NECAB2: variants seen among roughly 807,000 people sequenced by gnomAD.
NECAB2 encodes N-terminal EF-hand calcium binding protein 2, also known as N-terminal EF-hand calcium-binding protein 2.
A neutral mutation model predicts 51.9 loss-of-function variants in NECAB2; 68 were observed. The observed-to-expected ratio is 1.31, with a 90% CI of 1.08 to 1.60. NECAB2 has a LOEUF of 1.60. Among genes scored for constraint, NECAB2 ranks in the 40% most tolerant of loss-of-function variants. NECAB2 has a pLI of 0.00. For missense variants in NECAB2, 854 were observed against 490.3 expected (o/e 1.74, Z -7.00); for synonymous variants, 329 against 203.5 (o/e 1.62, Z -5.25).
intron 11 of NECAB2, among the ~76,000 whole-genome samples, chr16:84,001,296 T>G (rs1459103357): frequency 6.6e-6 from 1 of 151,526 alleles, no homozygotes; most frequent in African/African-American, 2.4e-5. Context: ...GGGTGGAGAC[T>G]ATTGCTGATG....
Position 83,997,243 on chromosome 16 carries a change from C to A in NECAB2, c.823C>A (p.Leu275Met). ...ACTGTGGTTCGACCTGCAGCAGCGC[C>A]TGTCAGATGAAGATGGCACCAACAT... ...KALWFDLQQRLSDEDGTNMHL... is the reference protein window; with the variant it reads ...KALWFDLQQRMSDEDGTNMHL... The change falls in exon 9 of 13, where the codon CTG (leucine) becomes ATG (methionine). Residue 275 changes from leucine (L) to methionine (M), a missense_variant. By Grantham distance (15) the Leu-to-Met change is conservative (BLOSUM62 2). Coordinates refer to ENST00000305202, the MANE Select transcript of NECAB2 (RefSeq NM_019065.3). The A allele has an allele frequency of 6.2e-7, 1 of 1,614,172 alleles. No homozygotes were observed. Among genetic ancestry groups the A allele is most frequent in the Non-Finnish European group, 8.5e-7 (1 of 1,180,044 alleles).
chr16:83,983,916 T>G (rs1187245831), intron 5 of NECAB2, among the ~76,000 whole-genome samples: 1 of 152,118 alleles, frequency 6.6e-6, no homozygotes, highest in Admixed American at 6.5e-5. Flanking sequence ...GGGATGATTT[T>G]CATAGTTATT....
Position 84,001,808 on chromosome 16 carries a change from A to G in NECAB2, c.1041-17A>G. ...CACTCCTGCCACCCCTGACTCACAC[A>G]TGTCCCTGCGTCACAGGCACCTGCA... is the stretch of plus-strand genomic sequence containing the variant. On this transcript the variant is annotated splice_polypyrimidine_tract_variant and intron_variant, in intron 11 of 12. Transcript: ENST00000305202. 2.5e-6 allele frequency: 4 copies of G among 1,613,722 alleles called. No individual in the cohort carries two copies. The highest frequency in any genetic ancestry group is 2.2e-5 in the South Asian group (2 of 91,062).
At chr16:83,972,687 A>T (rs1038340474) in intron 2 of NECAB2, among the ~76,000 whole-genome samples, 1 of 152,190 alleles carries the variant, frequency 6.6e-6, no homozygotes, top group Non-Finnish European at 1.5e-5. Flanking sequence ...TGCATGAAGG[A>T]AACGGAGGCT....
upstream of NECAB2, chr16:83,965,456 C>A (rs373502549): frequency 6.9e-5 from 111 of 1,600,010 alleles, no homozygotes; most frequent in Non-Finnish European, 8.8e-5. Context: ...TGGCGCGGGG[C>A]TGTCAGCGGC....
intron 8 of NECAB2, among the ~76,000 whole-genome samples, chr16:83,996,991 C>G (rs1020266154): frequency 1.3e-5 from 2 of 150,590 alleles, no homozygotes; most frequent in South Asian, 4.1e-4. Context: ...CCTCTGGAGT[C>G]CCCCTTGCTG....
chr16:83,974,072 C>G (rs1295130477), intron 2 of NECAB2, among the ~76,000 whole-genome samples: 3 of 152,068 alleles, frequency 2.0e-5, no homozygotes, highest in Admixed American at 6.5e-5. Flanking sequence ...TCTCAGTTTC[C>G]TTACTGCAGC....
chr16:83,966,755 G>C (rs1319755809), upstream of NECAB2, among the ~76,000 whole-genome samples: 1 of 152,162 alleles, frequency 6.6e-6, no homozygotes, highest in Admixed American at 6.5e-5. Context: ...CCTTTTCCTT[G>C]GGATGTCTCA....
chr16:83,987,757 A>C (rs1315924440), intron 5 of NECAB2, among the ~76,000 whole-genome samples: 2 of 152,200 alleles, frequency 1.3e-5, no homozygotes, highest in African/African-American at 4.8e-5. Flanking sequence ...CCTTGTGGCA[A>C]ACATAGTTGT....
chr16:83,968,915 T>C, intron 1 of NECAB2, 66 bp downstream of exon 1: 1 of 967,336 alleles, frequency 1.0e-6, no homozygotes, highest in Non-Finnish European at 1.3e-6. Context: ...CCTCCGCCCC[T>C]CGGGCGGACC....
Position 84,002,725 on chromosome 16 carries a change from G to A in NECAB2, c.*379G>A, listed in dbSNP as rs557637259. The A allele has an allele frequency of 1.7e-5, 4 of 233,472 alleles. No individual in the cohort carries two copies. The highest frequency in any genetic ancestry group is 2.6e-5 in the Non-Finnish European group (3 of 117,512). The allele number at this position is 233,472 out of a possible 1,614,324, so 14.5% of individuals were successfully genotyped here. A position where few individuals can be genotyped will look rare whatever the true frequency, so the allele number is the denominator to read the frequency against. On this transcript the variant is annotated 3_prime_UTR_variant, in exon 13 of 13. Coordinates refer to ENST00000305202, the MANE Select transcript of NECAB2 (RefSeq NM_019065.3). ...TCATGCCCCTGTAGTGCCCAACCTA[G>A]CCAGGTAGCCACCACTGTGCCCAGG...
intron 3 of NECAB2, among the ~76,000 whole-genome samples, chr16:83,980,483 C>T (rs773608601): frequency 5.3e-5 from 8 of 152,132 alleles, no homozygotes; most frequent in Non-Finnish European, 1.0e-4. Flanking sequence ...GTCAGTGGGT[C>T]AGATGAGAGC....
chr16:83,976,234 A>G (rs1338066799), intron 2 of NECAB2, among the ~76,000 whole-genome samples: 5 of 152,276 alleles, frequency 3.3e-5, no homozygotes, highest in Non-Finnish European at 7.4e-5. Flanking sequence ...GTAGGTGGCG[A>G]TGTCGCCACA....
chr16:83,970,572 G>A (rs1046568604), intron 1 of NECAB2, among the ~76,000 whole-genome samples: 7 of 152,274 alleles, frequency 4.6e-5, no homozygotes, highest in East Asian at 3.9e-4. Context: ...GATGGGGGGC[G>A]AGGGCATCTG....
At chr16:83,977,812 C>T (rs775323936) in intron 2 of NECAB2, among the ~76,000 whole-genome samples, 33 of 152,136 alleles carry the variant, frequency 2.2e-4, no homozygotes, top group Admixed American at 1.8e-3. Context: ...ATAGATGGGG[C>T]GGAGAAGAAA....
intron 10 of NECAB2, among the ~76,000 whole-genome samples, chr16:83,999,974 A>G (rs1168713952): frequency 6.6e-6 from 1 of 152,088 alleles, no homozygotes; most frequent in Non-Finnish European, 1.5e-5. Context: ...GCAACCTCTC[A>G]CCAGAGGGTT....
At chr16:83,998,519 C>G (rs559316437) in intron 10 of NECAB2, among the ~76,000 whole-genome samples, 4 of 152,148 alleles carry the variant, frequency 2.6e-5, no homozygotes, top group African/African-American at 9.7e-5. Context: ...CTTCATCTCC[C>G]TGGCATCAGC....
intron 5 of NECAB2, 36 bp downstream of exon 5, chr16:83,981,163 T>TCCAGGGCG (rs777361303): frequency 2.3e-4 from 353 of 1,563,292 alleles, no homozygotes; most frequent in Non-Finnish European, 3.0e-4. Flanking sequence ...GGTCCAGGGC[T>TCCAGGGCG]CCAGTGCTGC....
At chr16:83,983,283 T>C (rs1238896336) in intron 5 of NECAB2, among the ~76,000 whole-genome samples, 2 of 152,218 alleles carry the variant, frequency 1.3e-5, no homozygotes, top group African/African-American at 4.8e-5. Flanking sequence ...CAGCATCAGT[T>C]ATTAAGAGTG....
Sources: gnomAD v4.1 joint callset for allele counts (sites outside exome capture counted in the v4.1 genomes callset) on GRCh38, gnomAD v4.1.1 for gene constraint, MANE v1.5 for transcripts, NCBI Gene and HGNC (gene_info 2026-07-23, HGNC 2026-07-21) for gene names.